CHRND: variants seen among roughly 807,000 people sequenced by gnomAD.
CHRND encodes the protein cholinergic receptor nicotinic delta subunit.
In CHRND, 40 loss-of-function variants were observed where a neutral mutation model predicts 57.8. The observed-to-expected ratio is 0.69, with a 90% CI of 0.54 to 0.90. The LOEUF is 0.90. Among genes scored for constraint, CHRND ranks in the 40% least tolerant of loss-of-function variants. The probability of loss-of-function intolerance (pLI) is 0.00; values close to 1 mark genes in which losing one functional copy is unlikely to be tolerated. For synonymous variants in CHRND, 237 were observed against 270.6 expected, an observed-to-expected ratio of 0.88 and a Z score of 1.22; for missense variants, 634 against 673.9, an observed-to-expected ratio of 0.94 and a Z score of 0.66.
At position 232,529,982 on chromosome 2, in the gene CHRND, C is replaced by T. The variant is rs748400927; in HGVS notation, c.663C>T (p.Asn221=). Residue 221 remains asparagine, a synonymous_variant, in exon 7 of 12, where the codon AAC becomes AAT. Coordinates refer to ENST00000258385, the MANE Select transcript of CHRND (RefSeq NM_000751.3). ...WEIVHRPARV[N]VDPRAPLDSP... ...TAGTCCACCGGCCGGCCAGGGTCAA[C>T]GTGGACCCCAGAGCCCCTCTGGACA... The T allele has an allele frequency of 5.6e-6, 9 of 1,614,010 alleles. No individual in the cohort carries two copies. The highest frequency in any genetic ancestry group is 3.3e-5 in the Admixed American group (2 of 60,002).
intron 6 of CHRND, 125 bp from the exon 7 acceptor site, chr2:232,529,814 C>T: frequency 1.1e-6 from 1 of 949,066 alleles, no homozygotes; most frequent in Non-Finnish European, 1.6e-6. Flanking sequence ...ACCAACGGGA[C>T]CCCGTAGACA....
rs1476624295 is a variant in CHRND, at chr2:232,533,927, C to A, written c.1048-4C>A. 1.2e-6 allele frequency: 2 copies of A among 1,611,992 alleles called. No homozygotes were observed. Among genetic ancestry groups the A allele is most frequent in the Non-Finnish European group, 1.7e-6 (2 of 1,179,870 alleles). On this transcript the variant is annotated splice_polypyrimidine_tract_variant and splice_region_variant and intron_variant, in intron 9 of 11. Coordinates refer to ENST00000258385, the MANE Select transcript of CHRND (RefSeq NM_000751.3). Reference sequence around the variant, plus strand: ...TTTCTTGTGGCCCCTTGACATGGCCCCAGCTCTTCCTGGAGACCCTGCCGG... The same window carrying A: ...TTTCTTGTGGCCCCTTGACATGGCCACAGCTCTTCCTGGAGACCCTGCCGG...
At chr2:232,535,015 AGCCTCTGCAG>A (rs1292414163) in intron 11 of CHRND, 105 bp from the exon 12 acceptor site, 10 of 1,222,684 alleles carry the variant, frequency 8.2e-6, no homozygotes, top group Non-Finnish European at 1.2e-5. Flanking sequence ...AGCCCGAGGC[AGCCTCTGCAG>A]GCACACTGAG....
intron 6 of CHRND, 50 bp from the exon 7 acceptor site, chr2:232,529,889 T>C: frequency 6.3e-7 from 1 of 1,595,272 alleles, no homozygotes; most frequent in Non-Finnish European, 8.6e-7. Context: ...AGGCCCTGCC[T>C]AGCCCCCTTG....
chr2:232,529,904 G>T, intron 6 of CHRND, 35 bp from the exon 7 acceptor site: 1 of 1,610,948 alleles, frequency 6.2e-7, no homozygotes. Context: ...CCCTTGGCCT[G>T]GCCTGACCCT....
In CHRND at chr2:232,536,563, G is replaced by A; in HGVS notation, c.*1251G>A. Reference sequence around the variant, plus strand: ...CAGCCCAGTAGACATCTTATGTGCAGCCCCATGAAAGTCCCTAAGCCAGAA... The same window carrying A: ...CAGCCCAGTAGACATCTTATGTGCAACCCCATGAAAGTCCCTAAGCCAGAA... On this transcript the variant is annotated 3_prime_UTR_variant, in exon 12 of 12. Transcript: ENST00000258385. The A allele has an allele frequency of 2.4e-6, 1 of 419,578 alleles. No individual in the cohort carries two copies. The highest frequency in any genetic ancestry group is 4.8e-6 in the Non-Finnish European group (1 of 207,458). 26.0% of individuals were successfully genotyped at this position (419,578 alleles called of 1,614,324 possible).
intron 9 of CHRND, among the ~76,000 whole-genome samples, chr2:232,533,547 C>T (rs1031269739): frequency 6.6e-6 from 1 of 152,082 alleles, no homozygotes; most frequent in African/African-American, 2.4e-5. Flanking sequence ...GGAATGAAGT[C>T]ACAGATGTTA....
chr2:232,528,214 G>A (rs894910295), intron 3 of CHRND, 48 bp from the exon 4 acceptor site: 3 of 1,565,020 alleles, frequency 1.9e-6, no homozygotes, highest in African/African-American at 1.4e-5. Context: ...GGAGCCAGGA[G>A]CCTGGATGGC....
Position 232,531,534 on chromosome 2 carries a change from G to A in CHRND, c.933-8G>A. The A allele has an allele frequency of 6.2e-7, 1 of 1,614,092 alleles. No individual in the cohort carries two copies. Among genetic ancestry groups the A allele is most frequent in the Non-Finnish European group, 8.5e-7 (1 of 1,179,978 alleles). ...CCTGGGAGCTCCAAGCTGAGTGTTT[G>A]CCCACAGGTTCCTGCTCTTCGGCAT... On this transcript the variant is annotated splice_region_variant and splice_polypyrimidine_tract_variant and intron_variant, in intron 8 of 11. Transcript: ENST00000258385.
rs1271957056 is a variant in CHRND, at chr2:232,528,328, C to T, written c.310C>T (p.Pro104Ser). The change falls in exon 4 of 12, where the codon CCC becomes TCC. Residue 104 changes from proline to serine, a missense_variant. Physicochemically the swap from Pro to Ser is moderately conservative, Grantham distance 74. Coordinates refer to ENST00000258385, the MANE Select transcript of CHRND (RefSeq NM_000751.3). ...TGGAAACATCAGTGTCCTGCGCCTC[C>T]CCCCGGACATGGTGTGGCTCCCAGA... ...EFGNISVLRL[P>S]PDMVWLPEIV... is the part of the protein sequence containing the mutation. The T allele has an allele frequency of 3.1e-6, 5 of 1,614,108 alleles. No homozygotes were observed. Among genetic ancestry groups the T allele is most frequent in the Admixed American group, 1.7e-5 (1 of 60,022 alleles).
chr2:232,533,998 G>A lies in CHRND; in HGVS notation c.1115G>A (p.Gly372Glu). The part of the protein sequence containing the change: ...SRPAEDGPSP[G>E]ALVRRSSSLG... ...CCAGCAGAGGATGGACCCAGCCCTG[G>A]GGCCCTGGTGCGGAGGAGCAGCTCC... Residue 372 changes from glycine (G) to glutamate (E), a missense_variant, in exon 10 of 12, where the codon GGG becomes GAG. Coordinates refer to ENST00000258385, the MANE Select transcript of CHRND (RefSeq NM_000751.3). The A allele has an allele frequency of 6.2e-7, 1 of 1,613,932 alleles. No homozygotes were observed. Among genetic ancestry groups the A allele is most frequent in the Non-Finnish European group, 8.5e-7 (1 of 1,180,044 alleles).
chr2:232,535,038 G>T, intron 11 of CHRND, 92 bp from the exon 12 acceptor site: 1 of 1,485,338 alleles, frequency 6.7e-7, no homozygotes, highest in Admixed American at 1.7e-5. Flanking sequence ...ACACTGAGCC[G>T]CCCTCTGCCT....
rs377734777 is a variant in CHRND, at chr2:232,534,269, A to G, written c.1298A>G (p.Asn433Ser). 2 of 1,614,118 alleles carry G rather than the reference A, an allele frequency of 1.2e-6. No individual in the cohort carries two copies. The highest frequency in any genetic ancestry group is 2.7e-5 in the African/African-American group (2 of 74,944). The part of the protein sequence containing the change: ...SSEQAQQELF[N>S]ELKPAVDGAN... ...GAGCAGGCCCAGCAGGAACTCTTCA[A>G]TGAGCTGAAGCCAGCTGTGGATGGG... Residue 433 changes from asparagine (N) to serine (S), a missense_variant, in exon 11 of 12, where the codon AAT (asparagine) becomes AGT (serine). By Grantham distance (46) the Asn-to-Ser change is conservative. Coordinates refer to ENST00000258385, the MANE Select transcript of CHRND (RefSeq NM_000751.3).
In CHRND at chr2:232,535,531, G is replaced by A. The variant is rs992892929; in HGVS notation, c.*219G>A. On this transcript the variant is annotated 3_prime_UTR_variant, in exon 12 of 12. Transcript: ENST00000258385. ...GGGTGGACATCGGCTACAGTGGGTGGGCAGGACGATTTGGGGGGAGGCCCG... is the reference window on the plus strand; with the variant it reads ...GGGTGGACATCGGCTACAGTGGGTGAGCAGGACGATTTGGGGGGAGGCCCG... The A allele has an allele frequency of 9.7e-6, 7 of 720,820 alleles. No individual in the cohort carries two copies. In the Admixed American group the frequency reaches 1.4e-4, roughly 15 times the overall value. 44.7% of individuals were successfully genotyped at this position (720,820 alleles called of 1,614,324 possible).
chr2:232,529,915 A>G (rs1574632122), intron 6 of CHRND, 24 bp from the exon 7 acceptor site: 5 of 1,612,842 alleles, frequency 3.1e-6, no homozygotes, highest in Non-Finnish European at 4.2e-6. Context: ...GCCTGACCCT[A>G]AGATGTCCAT....
chr2:232,535,176 G>C lies in CHRND; in HGVS notation c.1418G>C (p.Cys473Ser). 1 of 1,614,224 alleles carries C rather than the reference G, an allele frequency of 6.2e-7. No homozygotes were observed. The highest frequency in any genetic ancestry group is 8.5e-7 in the Non-Finnish European group (1 of 1,180,042). The change falls in exon 12 of 12, where the codon TGC becomes TCC. Residue 473 changes from cysteine to serine, a missense_variant. By Grantham distance (112) the Cys-to-Ser change is moderately radical. Transcript: ENST00000258385. The part of the protein sequence containing the change: ...NRVARTVDRL[C>S]LFVVTPVMVV... The stretch of plus-strand genomic sequence containing the variant: ...GTGGCCCGCACAGTGGACCGCCTCT[G>C]CCTGTTTGTGGTGACGCCTGTCATG...
chr2:232,534,403 C>A, intron 11 of CHRND, 61 bp downstream of exon 11: 1 of 1,518,990 alleles, frequency 6.6e-7, no homozygotes, highest in South Asian at 1.1e-5. Flanking sequence ...TAAGTGTATT[C>A]TATCTTAAGA....
intron 2 of CHRND, among the ~76,000 whole-genome samples, chr2:232,526,916 G>T (rs1296608354): frequency 1.3e-5 from 2 of 152,196 alleles, no homozygotes; most frequent in Non-Finnish European, 2.9e-5. Context: ...GAGGCCACTG[G>T]TCCTCTCTGC....
In CHRND at chr2:232,535,647, G is replaced by T. The variant is rs531815483; in HGVS notation, c.*335G>T. 2.1e-5 allele frequency: 11 copies of T among 513,740 alleles called. No homozygotes were observed. The East Asian group carries it at 4.2e-4, about 19-fold the overall frequency. 31.8% of individuals were successfully genotyped at this position (513,740 alleles called of 1,614,324 possible). A position where few individuals can be genotyped will look rare whatever the true frequency, so the allele number is the denominator to read the frequency against. ...GTGAGACAGATAGGGCCCCTTCTCT[G>T]CTTCTCCTCCCCCAAGGTGTGGGGT... On this transcript the variant is annotated 3_prime_UTR_variant, in exon 12 of 12. Coordinates refer to ENST00000258385, the MANE Select transcript of CHRND (RefSeq NM_000751.3).
Sources: gnomAD v4.1 joint callset for allele counts (sites outside exome capture counted in the v4.1 genomes callset) on GRCh38, gnomAD v4.1.1 for gene constraint, MANE v1.5 for transcripts, NCBI Gene and HGNC (gene_info 2026-07-23, HGNC 2026-07-21) for gene names.